PPP1R16B: variants seen among roughly 807,000 people sequenced by gnomAD.
PPP1R16B encodes protein phosphatase 1 regulatory subunit 16B.
A neutral mutation model predicts 61.7 loss-of-function variants in PPP1R16B; 14 were observed. The ratio of observed to expected loss-of-function variants is 0.23; its 90% CI spans 0.15 to 0.35. The LOEUF (loss-of-function observed/expected upper bound fraction) is 0.35. PPP1R16B is among the 10% of genes least tolerant of loss of function. PPP1R16B has a pLI of 1.00. For synonymous variants in PPP1R16B, 266 were observed against 305.3 expected (o/e 0.87, Z 1.34); for missense variants, 547 against 752.5 (o/e 0.73, Z 3.19).
intron 10 of PPP1R16B, among the ~76,000 whole-genome samples, chr20:38,911,890 A>C (rs773388846): frequency 6.6e-6 from 1 of 152,126 alleles, no homozygotes; most frequent in Non-Finnish European, 1.5e-5. Flanking sequence ...TCCTGTGAAT[A>C]AAGCTCCTAT....
At chr20:38,892,211 C>A (rs1259384259) in intron 3 of PPP1R16B, among the ~76,000 whole-genome samples, 1 of 152,128 alleles carries the variant, frequency 6.6e-6, no homozygotes, top group Non-Finnish European at 1.5e-5. Context: ...GCAATGAACT[C>A]TCAAGTGGCA....
At chr20:38,896,331 TTCTC>T (rs1054957460) in intron 4 of PPP1R16B, among the ~76,000 whole-genome samples, 1 of 150,952 alleles carries the variant, frequency 6.6e-6, no homozygotes, top group African/African-American at 2.4e-5. Flanking sequence ...TTCTCTTTTT[TTCTC>T]TCTCTCTGTC....
At chr20:38,878,269 A>G (rs748193972) in intron 2 of PPP1R16B, among the ~76,000 whole-genome samples, 43 of 152,158 alleles carry the variant, frequency 2.8e-4, no homozygotes, top group Non-Finnish European at 1.5e-4. Flanking sequence ...CCTATGTAAT[A>G]CAGGGCTGAG....
intron 2 of PPP1R16B, among the ~76,000 whole-genome samples, chr20:38,885,360 C>T (rs972933050): frequency 6.6e-6 from 1 of 152,174 alleles, no homozygotes; most frequent in African/African-American, 2.4e-5. Flanking sequence ...TTTGTGCATC[C>T]TTGAACTCTT....
At chr20:38,866,668 GAGCTC>G (rs2085092998) in intron 2 of PPP1R16B, among the ~76,000 whole-genome samples, 1 of 152,170 alleles carries the variant, frequency 6.6e-6, no homozygotes, top group Non-Finnish European at 1.5e-5. Context: ...CCTGGGCCTG[GAGCTC>G]AGCCTCTGTC....
chr20:38,851,649 C>T (rs2084969771), intron 2 of PPP1R16B, among the ~76,000 whole-genome samples: 1 of 152,124 alleles, frequency 6.6e-6, no homozygotes, highest in Non-Finnish European at 1.5e-5. Flanking sequence ...GGCCAGACCA[C>T]CTTGGAGCTC....
chr20:38,841,706 T>G (rs1267974759), intron 2 of PPP1R16B, among the ~76,000 whole-genome samples: 1 of 152,250 alleles, frequency 6.6e-6, no homozygotes, highest in Non-Finnish European at 1.5e-5. Context: ...ATTGGCTTCT[T>G]TCATTCAGAA....
chr20:38,889,497 T>C, intron 2 of PPP1R16B, 98 bp from the exon 3 acceptor site: 1 of 1,082,252 alleles, frequency 9.2e-7, no homozygotes, highest in Non-Finnish European at 1.4e-6. Flanking sequence ...TACTACATTC[T>C]TCATAGGCCT....
intron 2 of PPP1R16B, among the ~76,000 whole-genome samples, chr20:38,839,875 T>C (rs1289607408): frequency 1.3e-5 from 2 of 152,246 alleles, no homozygotes; most frequent in African/African-American, 4.8e-5. Flanking sequence ...CAGTGAATGT[T>C]TTATTTCCAT....
At chr20:38,835,129 C>A (rs2084861230) in intron 1 of PPP1R16B, among the ~76,000 whole-genome samples, 1 of 152,220 alleles carries the variant, frequency 6.6e-6, no homozygotes, top group Non-Finnish European at 1.5e-5. Flanking sequence ...GGTTCCCAGA[C>A]CACACTTTGA....
At chr20:38,915,891 T>C (rs554247619) in intron 10 of PPP1R16B, among the ~76,000 whole-genome samples, 5 of 151,962 alleles carry the variant, frequency 3.3e-5, no homozygotes, top group African/African-American at 1.2e-4. Flanking sequence ...AGGAAATTCT[T>C]AGAAGTGCCA....
At chr20:38,818,632 T>A (rs2084754498) in intron 1 of PPP1R16B, among the ~76,000 whole-genome samples, 1 of 152,156 alleles carries the variant, frequency 6.6e-6, no homozygotes, top group East Asian at 1.9e-4. Flanking sequence ...GCATTCAATA[T>A]TCTTGTCTTG....
intron 4 of PPP1R16B, among the ~76,000 whole-genome samples, chr20:38,899,481 T>C (rs960940866): frequency 1.3e-5 from 2 of 152,212 alleles, no homozygotes; most frequent in Non-Finnish European, 2.9e-5. Flanking sequence ...CCACCCAAGA[T>C]GCTGCATTTT....
At chr20:38,911,693 C>T (rs1015545490) in intron 10 of PPP1R16B, among the ~76,000 whole-genome samples, 5 of 151,802 alleles carry the variant, frequency 3.3e-5, no homozygotes, top group South Asian at 2.1e-4. Context: ...CGTGCCACCA[C>T]GCCCGGCTAA....
chr20:38,871,096 A>AGAG (rs1411928261), intron 2 of PPP1R16B, among the ~76,000 whole-genome samples: 1 of 152,140 alleles, frequency 6.6e-6, no homozygotes, highest in East Asian at 1.9e-4. Context: ...CACATAGCTC[A>AGAG]GCCTGGTGCC....
chr20:38,911,867 T>C (rs2085493426), intron 10 of PPP1R16B, among the ~76,000 whole-genome samples: 1 of 152,170 alleles, frequency 6.6e-6, no homozygotes, highest in African/African-American at 2.4e-5. Flanking sequence ...CATTTGGGTT[T>C]CTTGTTTCTG....
intron 2 of PPP1R16B, among the ~76,000 whole-genome samples, chr20:38,865,282 A>G (rs2085082289): frequency 1.0e-5 from 1 of 96,728 alleles, no homozygotes; most frequent in Non-Finnish European, 1.9e-5. Flanking sequence ...ACACTGCTGC[A>G]TTCTTTTTTT....
At chr20:38,836,426 G>C (rs1002584908) in intron 2 of PPP1R16B, among the ~76,000 whole-genome samples, 3 of 152,002 alleles carry the variant, frequency 2.0e-5, no homozygotes, top group African/African-American at 7.2e-5. Flanking sequence ...ATCTCAGCTC[G>C]CTGCAACCTC....
intron 3 of PPP1R16B, among the ~76,000 whole-genome samples, chr20:38,890,156 C>T (rs1190078845): frequency 6.6e-6 from 1 of 152,210 alleles, no homozygotes; most frequent in Non-Finnish European, 1.5e-5. Flanking sequence ...GGGATGGCTT[C>T]TCTGGCTGTC....
Sources: allele counts gnomAD v4.1 joint callset (sites outside exome capture counted in the v4.1 genomes callset), GRCh38; gene constraint gnomAD v4.1.1; transcripts MANE v1.5; gene names NCBI Gene and HGNC (gene_info 2026-07-23, HGNC 2026-07-21).